The following LEMD3 variants were observed in gnomAD, a reference collection of about 807,000 sequenced individuals.
The protein encoded by LEMD3 is LEM domain containing 3.
LEMD3 carries 33 observed loss-of-function variants against 95.2 expected under a neutral mutation model. The observed-to-expected ratio is 0.35, with a 90% CI of 0.26 to 0.46. The LOEUF is 0.46. Among genes scored for constraint, LEMD3 ranks in the 20% least tolerant of loss-of-function variants. The probability of loss-of-function intolerance (pLI) is 1.00; values close to 1 mark genes in which losing one functional copy is unlikely to be tolerated. For missense variants in LEMD3, 1,210 were observed against 1,192.8 expected (o/e 1.01, Z -0.21); for synonymous variants, 525 against 474.6 (o/e 1.11, Z -1.38).
chr12:65,239,513 C>T (rs949409178), intron 6 of LEMD3, among the ~76,000 whole-genome samples: 1 of 151,966 alleles, frequency 6.6e-6, no homozygotes, highest in Non-Finnish European at 1.5e-5. Context: ...GCACTACTGC[C>T]CTCCAGCCTG....
intron 4 of LEMD3, among the ~76,000 whole-genome samples, chr12:65,223,506 G>A (rs1592454114): frequency 1.3e-5 from 2 of 151,780 alleles, no homozygotes; most frequent in African/African-American, 2.4e-5. Flanking sequence ...ATCTCACTAC[G>A]TTGCCTTTAA....
At position 65,170,018 on chromosome 12, in the gene LEMD3, C is replaced by G; in HGVS notation, c.422C>G (p.Ser141Trp). 1 of 1,505,514 alleles carries G rather than the reference C, an allele frequency of 6.6e-7. No individual in the cohort carries two copies. Among genetic ancestry groups the G allele is most frequent in the South Asian group, 1.3e-5 (1 of 79,992 alleles). The allele number at this position is 1,505,514 out of a possible 1,614,324, so 93.3% of individuals were successfully genotyped here. A position where few individuals can be genotyped will look rare whatever the true frequency, so the allele number is the denominator to read the frequency against. ...AGSKVLLGFS[S>W]DESDVEASPR... ...AGCAAAGTGCTGCTGGGCTTCAGCT[C>G]GGACGAGTCGGACGTGGAGGCCAGT... Residue 141 changes from serine to tryptophan, a missense_variant, in exon 1 of 13, where the codon TCG becomes TGG. By Grantham distance (177) the Ser-to-Trp change is radical. Around this residue, in one of 2 missense-constraint regions of LEMD3, gnomAD observed 749 missense variants for 622.9 expected, o/e 1.20. Transcript: ENST00000308330.
intron 1 of LEMD3, among the ~76,000 whole-genome samples, chr12:65,195,310 AAT>A (rs2136327162): frequency 6.6e-6 from 1 of 152,208 alleles, no homozygotes; most frequent in South Asian, 2.1e-4. Context: ...CATGTACGTA[AAT>A]ATATAGGCAG....
At chr12:65,189,341 G>T (rs974807533) in intron 1 of LEMD3, among the ~76,000 whole-genome samples, 3 of 152,154 alleles carry the variant, frequency 2.0e-5, no homozygotes, top group Non-Finnish European at 4.4e-5. Context: ...TAAAAAGGTT[G>T]ATGGCTAGAA....
intron 1 of LEMD3, among the ~76,000 whole-genome samples, chr12:65,187,083 G>T (rs986972300): frequency 6.6e-6 from 1 of 152,016 alleles, no homozygotes; most frequent in Non-Finnish European, 1.5e-5. Flanking sequence ...AGGATACACT[G>T]AATGAATAAA....
At chr12:65,193,732 CTGTGTGTGTGTGTGTGTGTGTGTGTGTG>C (rs746675293) in intron 1 of LEMD3, among the ~76,000 whole-genome samples, 1 of 129,356 alleles carries the variant, frequency 7.7e-6, no homozygotes, top group African/African-American at 3.1e-5. Context: ...ACATAACTGG[CTGTGTGTGTGTGTGTGTGTGTGTGTGTG>C]TGTGTGTGTG....
intron 1 of LEMD3, among the ~76,000 whole-genome samples, chr12:65,209,162 G>T (rs915295376): frequency 6.6e-6 from 1 of 152,048 alleles, no homozygotes; most frequent in African/African-American, 2.4e-5. Context: ...TATAACACAC[G>T]CTCCCTGTCT....
chr12:65,227,248 C>T (rs922939959), intron 4 of LEMD3, among the ~76,000 whole-genome samples: 6 of 152,186 alleles, frequency 3.9e-5, no homozygotes, highest in Admixed American at 3.3e-4. Context: ...GTTTTCACTT[C>T]TAGTAGTAGG....
intron 1 of LEMD3, among the ~76,000 whole-genome samples, chr12:65,178,621 G>A (rs184840264): frequency 3.3e-4 from 50 of 152,250 alleles, no homozygotes; most frequent in Admixed American, 3.2e-3. Context: ...TAACCCTTAC[G>A]TAGCATTAAC....
chr12:65,215,953 C>G, intron 2 of LEMD3, 24 bp from the exon 3 acceptor site: 1 of 974,050 alleles, frequency 1.0e-6, no homozygotes, highest in Non-Finnish European at 1.5e-6. Context: ...TTGGGTATTT[C>G]ATAATAACTT....
At chr12:65,212,020 A>AT (rs1206889671) in intron 2 of LEMD3, among the ~76,000 whole-genome samples, 1 of 152,178 alleles carries the variant, frequency 6.6e-6, no homozygotes, top group Non-Finnish European at 1.5e-5. Context: ...AGACTGGGTA[A>AT]TTTATAAAGG....
At chr12:65,171,140 T>C (rs764902501) in intron 1 of LEMD3, 22 bp downstream of exon 1, 1 of 1,605,728 alleles carries the variant, frequency 6.2e-7, no homozygotes, top group Non-Finnish European at 8.5e-7. Flanking sequence ...ATCCTGTGGG[T>C]AAGGTAACAA....
rs1007994492 is a variant in LEMD3 at position 65,194,100 on chromosome 12, C to A, written c.1523-16826C>A. 2.6e-5 allele frequency among the ~76,000 whole-genome samples: 4 copies of A among 152,032 alleles called. 1 individual carries two copies. Among genetic ancestry groups the A allele is most frequent in the African/African-American group, 9.7e-5 (4 of 41,398 alleles). On this transcript the variant is annotated intron_variant, in intron 1 of 12. Coordinates refer to ENST00000308330, the MANE Select transcript of LEMD3 (RefSeq NM_014319.5). ...ACTTTAAAAACATTTTGGGTTAGTT[C>A]CATTGTCTTTAAGAGTTTAAGTAAT...
intron 12 of LEMD3, 43 bp downstream of exon 12, chr12:65,245,982 T>G: frequency 4.1e-6 from 6 of 1,470,686 alleles, no homozygotes; most frequent in Non-Finnish European, 5.7e-6. Flanking sequence ...AAGATAGTTA[T>G]AGTTTAATTT....
Position 65,169,601 on chromosome 12 carries a change from C to A in LEMD3, c.5C>A (p.Ala2Glu). M[A>E]AAAASAPQQL... is the part of the protein sequence containing the mutation. ...GTAAAACACCCTGGAGAGAAAATGGCGGCGGCAGCAGCTTCGGCGCCTCAG... is the reference window on the plus strand; with the variant it reads ...GTAAAACACCCTGGAGAGAAAATGGAGGCGGCAGCAGCTTCGGCGCCTCAG... Residue 2 changes from alanine to glutamate, a missense_variant, in exon 1 of 13, where the codon GCG becomes GAG. Ala to Glu is a moderately radical substitution (Grantham distance 107). Transcript: ENST00000308330. The A allele has an allele frequency of 4.4e-6, 7 of 1,587,530 alleles. No individual in the cohort carries two copies. The highest frequency in any genetic ancestry group is 6.0e-6 in the Non-Finnish European group (7 of 1,168,962).
At chr12:65,171,356 A>G in intron 1 of LEMD3, 1 of 565,200 alleles carries the variant, frequency 1.8e-6, no homozygotes, top group Non-Finnish European at 3.0e-6. Flanking sequence ...ACAATTTTTA[A>G]AAGAATATTA....
intron 4 of LEMD3, among the ~76,000 whole-genome samples, chr12:65,220,459 G>T (rs1309720180): frequency 1.3e-5 from 2 of 152,052 alleles, no homozygotes; most frequent in African/African-American, 4.8e-5. Context: ...TATGCATTTT[G>T]CATATTAACC....
At chr12:65,183,418 T>C (rs1313904408) in intron 1 of LEMD3, among the ~76,000 whole-genome samples, 1 of 152,204 alleles carries the variant, frequency 6.6e-6, no homozygotes, top group Non-Finnish European at 1.5e-5. Flanking sequence ...CTCTGAGTTA[T>C]GGAGTTATAT....
intron 4 of LEMD3, among the ~76,000 whole-genome samples, chr12:65,218,898 C>G (rs1352671302): frequency 6.6e-6 from 1 of 151,046 alleles, no homozygotes; most frequent in African/African-American, 2.4e-5. Flanking sequence ...AAGCGATTCT[C>G]CTGCCTCAGC....
Sources: gnomAD v4.1 joint callset for allele counts (sites outside exome capture counted in the v4.1 genomes callset) on GRCh38, gnomAD v4.1.1 for gene constraint, gnomAD v4.1.1 regional missense constraint, MANE v1.5 for transcripts, NCBI Gene and HGNC (gene_info 2026-07-23, HGNC 2026-07-21) for gene names.